The following PLCH1 variants were observed in gnomAD, a reference collection of about 807,000 sequenced individuals.
PLCH1 encodes phospholipase C eta 1.
A neutral mutation model predicts 126.7 loss-of-function variants in PLCH1; 60 were observed. The ratio of observed to expected loss-of-function variants is 0.47; its 90% CI spans 0.38 to 0.59. The LOEUF (loss-of-function observed/expected upper bound fraction) is 0.59, where lower values mean the gene tolerates loss of function less well. Ranked by LOEUF, PLCH1 falls within the 20% of genes least tolerant of loss-of-function variation. PLCH1 has a pLI of 0.00. For synonymous variants in PLCH1, 719 were observed against 734.9 expected, an observed-to-expected ratio of 0.98 and a Z score of 0.35; for missense variants, 1,723 against 2,040.0, an observed-to-expected ratio of 0.84 and a Z score of 2.99.
In PLCH1 at chr3:155,529,759, T is replaced by TTTTTGTTTTGTTTTGTTTTG. The variant is rs71155050; in HGVS notation, c.1363-5775_1363-5756dup. On this transcript the variant is annotated intron_variant, in intron 10 of 22. Coordinates refer to ENST00000460012, the MANE Select transcript of PLCH1 (RefSeq NM_014996.4). ...TAGGTGACTGTGGCAATTTGCTTCT[T>TTTTTGTTTTGTTTTGTTTTG]TTTTGTTTTGTTTTGTTTTGTTTTG... Among the ~76,000 whole-genome samples the TTTTTGTTTTGTTTTGTTTTG allele has an allele frequency of 4.6e-3, 696 of 150,632 alleles. 2 individuals carry two copies. The highest frequency in any genetic ancestry group is 0.02 in the South Asian group (94 of 4,686).
At chr3:155,544,499 A>T (rs1200295017) in intron 10 of PLCH1, among the ~76,000 whole-genome samples, 1 of 152,194 alleles carries the variant, frequency 6.6e-6, no homozygotes. Flanking sequence ...GTTAACAAGG[A>T]TATCCAGGAA....
chr3:155,460,551 G>T (rs1712671981), intron 21 of PLCH1, among the ~76,000 whole-genome samples: 1 of 152,232 alleles, frequency 6.6e-6, no homozygotes, highest in East Asian at 1.9e-4. Context: ...CCTGAGTTAA[G>T]GGACTTTATG....
At chr3:155,466,748 A>G (rs1424183195) in intron 21 of PLCH1, among the ~76,000 whole-genome samples, 1 of 152,224 alleles carries the variant, frequency 6.6e-6, no homozygotes, top group Non-Finnish European at 1.5e-5. Context: ...TCAACATAAC[A>G]CAGAGAAGGA....
At chr3:155,557,083 T>C (rs536914154) in intron 8 of PLCH1, among the ~76,000 whole-genome samples, 1 of 152,284 alleles carries the variant, frequency 6.6e-6, no homozygotes, top group South Asian at 2.1e-4. Flanking sequence ...AAACCAAAGG[T>C]TCTGAGATAC....
intron 2 of PLCH1, among the ~76,000 whole-genome samples, chr3:155,643,800 C>T (rs1028617348): frequency 1.3e-5 from 2 of 152,102 alleles, no homozygotes; most frequent in African/African-American, 4.8e-5. Flanking sequence ...TAAATATTTG[C>T]TGAATAAATA....
intron 1 of PLCH1, among the ~76,000 whole-genome samples, chr3:155,704,806 G>A (rs996403884): frequency 6.6e-6 from 1 of 152,174 alleles, no homozygotes; most frequent in South Asian, 2.1e-4. Flanking sequence ...CTAGGGCCTG[G>A]ATCTGCCCAG....
At chr3:155,653,470 T>TCG (rs1391619861) in intron 2 of PLCH1, among the ~76,000 whole-genome samples, 1 of 152,184 alleles carries the variant, frequency 6.6e-6, no homozygotes, top group African/African-American at 2.4e-5. Flanking sequence ...TTCCACAGTC[T>TCG]CACACATGCA....
At chr3:155,676,313 A>G in intron 2 of PLCH1, 8 of 1,125,796 alleles carry the variant, frequency 7.1e-6, no homozygotes, top group Non-Finnish European at 7.6e-6. Context: ...CGCTGGAAGC[A>G]TCTGCTCGGG....
At chr3:155,670,563 C>T (rs1577290228) in intron 2 of PLCH1, among the ~76,000 whole-genome samples, 2 of 152,148 alleles carry the variant, frequency 1.3e-5, no homozygotes, top group Admixed American at 1.3e-4. Context: ...GTTTTGCTGA[C>T]AAGTAATTAG....
At chr3:155,503,953 C>A (rs887820300) in intron 13 of PLCH1, among the ~76,000 whole-genome samples, 1 of 152,254 alleles carries the variant, frequency 6.6e-6, no homozygotes, top group African/African-American at 2.4e-5. Context: ...ATGTGCACAA[C>A]CATAAGTAGT....
chr3:155,532,915 T>C (rs1722884358), intron 10 of PLCH1, among the ~76,000 whole-genome samples: 1 of 151,934 alleles, frequency 6.6e-6, no homozygotes. Flanking sequence ...CAGACAGAGG[T>C]TGGAACAGTT....
chr3:155,647,772 CA>C (rs1256956524), intron 2 of PLCH1, among the ~76,000 whole-genome samples: 2 of 151,966 alleles, frequency 1.3e-5, no homozygotes, highest in Non-Finnish European at 2.9e-5. Flanking sequence ...AATGGTAAAA[CA>C]AAGTAAATAT....
At chr3:155,471,407 G>C (rs1713222145) in intron 21 of PLCH1, among the ~76,000 whole-genome samples, 1 of 150,736 alleles carries the variant, frequency 6.6e-6, no homozygotes, top group Admixed American at 6.6e-5. Flanking sequence ...CCCAATACAG[G>C]AGCACCCAGA....
intron 2 of PLCH1, among the ~76,000 whole-genome samples, chr3:155,691,771 C>A (rs1004799981): frequency 6.6e-6 from 1 of 152,154 alleles, no homozygotes; most frequent in Admixed American, 6.5e-5. Flanking sequence ...CTTTCTGTGC[C>A]AATTCTTCAA....
intron 21 of PLCH1, among the ~76,000 whole-genome samples, chr3:155,469,568 C>T (rs1429179961): frequency 3.9e-5 from 6 of 152,240 alleles, no homozygotes; most frequent in African/African-American, 7.2e-5. Flanking sequence ...CTGGGTGGAG[C>T]CCACCACAGC....
intron 6 of PLCH1, among the ~76,000 whole-genome samples, chr3:155,577,638 C>T (rs1560192946): frequency 1.3e-5 from 2 of 152,132 alleles, no homozygotes; most frequent in Admixed American, 6.5e-5. Flanking sequence ...TAGCTTCAAG[C>T]TAATTTAGAA....
chr3:155,581,749 C>CTTT lies in PLCH1; in HGVS notation c.771+1720_771+1722dup, dbSNP rs55649426. Among the ~76,000 whole-genome samples the CTTT allele has an allele frequency of 1.7e-4, 24 of 141,536 alleles. 1 individual carries two copies. The highest frequency in any genetic ancestry group is 5.7e-4 in the Admixed American group (8 of 14,102). 92.9% of individuals were successfully genotyped at this position (141,536 alleles called of 152,430 possible). A position where few individuals can be genotyped will look rare whatever the true frequency, so the allele number is the denominator to read the frequency against. On this transcript the variant is annotated intron_variant, in intron 6 of 22. Transcript: ENST00000460012. ...GTTATAGTTGCACAACTCTTTTTTC[C>CTTT]TTTTTTTTTTTTTTGAGACGGAGTT...
intron 2 of PLCH1, among the ~76,000 whole-genome samples, chr3:155,600,629 G>C (rs1220677687): frequency 6.7e-6 from 1 of 149,456 alleles, no homozygotes; most frequent in Admixed American, 6.6e-5. Flanking sequence ...AAGTTTATTT[G>C]GATACAATGC....
chr3:155,688,532 A>G (rs950440850), intron 2 of PLCH1, among the ~76,000 whole-genome samples: 3 of 152,206 alleles, frequency 2.0e-5, no homozygotes, highest in Non-Finnish European at 4.4e-5. Context: ...GCACCATCAC[A>G]GGAACCAAAA....
Sources: allele counts gnomAD v4.1 joint callset (sites outside exome capture counted in the v4.1 genomes callset), GRCh38; gene constraint gnomAD v4.1.1; transcripts MANE v1.5; gene names NCBI Gene and HGNC (gene_info 2026-07-23, HGNC 2026-07-21).